WWC2: variants seen among roughly 807,000 people sequenced by gnomAD.
WWC2 encodes the protein protein WWC2.
WWC2 carries 101 observed loss-of-function variants against 138.5 expected under a neutral mutation model. The ratio of observed to expected loss-of-function variants is 0.73; its 90% CI spans 0.62 to 0.86. WWC2 has a LOEUF of 0.86. Among genes scored for constraint, WWC2 ranks in the 40% least tolerant of loss-of-function variants. The pLI is 0.00. For missense variants in WWC2, 1,420 were observed against 1,419.4 expected (o/e 1.00, Z -0.01); for synonymous variants, 558 against 538.4 (o/e 1.04, Z -0.50).
At chr4:183,170,611 A>G (rs553584638) in intron 1 of WWC2, among the ~76,000 whole-genome samples, 200 of 152,312 alleles carry the variant, frequency 1.3e-3, no homozygotes, top group Non-Finnish European at 2.6e-3. Flanking sequence ...ATGATTTTGC[A>G]TTTCTGTTGA....
intron 21 of WWC2, among the ~76,000 whole-genome samples, chr4:183,291,521 T>C (rs984957212): frequency 6.6e-6 from 1 of 152,238 alleles, no homozygotes; most frequent in Non-Finnish European, 1.5e-5. Flanking sequence ...CCTACTTTAC[T>C]GTCATGGAGA....
At chr4:183,113,534 A>C (rs923469361) in intron 1 of WWC2, among the ~76,000 whole-genome samples, 1 of 146,912 alleles carries the variant, frequency 6.8e-6, no homozygotes, top group East Asian at 2.0e-4. Context: ...GTGCGCGCGC[A>C]CATGCACGTG....
At chr4:183,289,703 G>C in intron 21 of WWC2, 68 bp downstream of exon 21, 1 of 1,562,120 alleles carries the variant, frequency 6.4e-7, no homozygotes, top group Non-Finnish European at 8.6e-7. Flanking sequence ...CATGTAGAAG[G>C]TACCCAACTT....
At chr4:183,253,594 C>T (rs1223488630) in intron 8 of WWC2, among the ~76,000 whole-genome samples, 163 bp from the exon 9 acceptor site, 8 of 152,144 alleles carry the variant, frequency 5.3e-5, no homozygotes, top group Admixed American at 3.9e-4. Flanking sequence ...TGCAAGGCTG[C>T]TGCTCCCACT....
chr4:183,154,363 A>G (rs1471660952), intron 1 of WWC2, among the ~76,000 whole-genome samples: 1 of 152,202 alleles, frequency 6.6e-6, no homozygotes, highest in Non-Finnish European at 1.5e-5. Context: ...TACCTGCTCA[A>G]CATGTGTTAG....
At chr4:183,201,763 T>C (rs539557303) in intron 2 of WWC2, among the ~76,000 whole-genome samples, 2 of 152,348 alleles carry the variant, frequency 1.3e-5, no homozygotes, top group South Asian at 4.1e-4. Context: ...AGACAGTATA[T>C]GCCCCTGGGC....
Position 183,282,780 on chromosome 4 carries a change from C to T in WWC2, c.2757C>T (p.Asp919=), listed in dbSNP as rs1049980678. 6 of 1,582,274 alleles carry T rather than the reference C, an allele frequency of 3.8e-6. No homozygotes were observed. In the African/African-American group the frequency reaches 5.4e-5, roughly 14 times the overall value. ...EKEAEVKLPE[D]SSCTEDLSSC... ...AGGCTGAAGTTAAATTGCCAGAGGACAGTAGCTGTACAGAAGATTTAAGTT... is the reference window on the plus strand; with the variant it reads ...AGGCTGAAGTTAAATTGCCAGAGGATAGTAGCTGTACAGAAGATTTAAGTT... Residue 919 remains aspartate (D), a synonymous_variant, in exon 18 of 23, where the codon GAC becomes GAT. Coordinates refer to ENST00000403733, the MANE Select transcript of WWC2 (RefSeq NM_024949.6).
At chr4:183,187,471 T>C (rs796784460) in intron 1 of WWC2, among the ~76,000 whole-genome samples, 1 of 151,484 alleles carries the variant, frequency 6.6e-6, no homozygotes, top group South Asian at 2.1e-4. Context: ...GAGAATCGCT[T>C]GAACCTGGGA....
chr4:183,289,789 CTT>C (rs376418534), intron 21 of WWC2, among the ~76,000 whole-genome samples, 154 bp downstream of exon 21: 4 of 140,436 alleles, frequency 2.8e-5, no homozygotes, highest in African/African-American at 2.6e-5. Context: ...GTTATAGGCC[CTT>C]TTTTTTTTTT....
At chr4:183,134,914 T>C (rs891986923) in intron 1 of WWC2, among the ~76,000 whole-genome samples, 1 of 152,118 alleles carries the variant, frequency 6.6e-6, no homozygotes, top group African/African-American at 2.4e-5. Context: ...TAAAAAAATC[T>C]AGTCCGATAT....
chr4:183,282,994 A>C, intron 18 of WWC2, 88 bp downstream of exon 18: 1 of 1,340,194 alleles, frequency 7.5e-7, no homozygotes, highest in Non-Finnish European at 9.9e-7. Flanking sequence ...CTTAGGTGTA[A>C]ATTCCATGTC....
At chr4:183,254,871 CA>C (rs568421997) in intron 9 of WWC2, among the ~76,000 whole-genome samples, 33 of 147,844 alleles carry the variant, frequency 2.2e-4, no homozygotes, top group African/African-American at 2.9e-4. Flanking sequence ...CCAGTTGCTT[CA>C]AAAAAAAAAA....
At chr4:183,180,888 A>T (rs1478749795) in intron 1 of WWC2, among the ~76,000 whole-genome samples, 3 of 152,154 alleles carry the variant, frequency 2.0e-5, no homozygotes, top group Non-Finnish European at 4.4e-5. Context: ...ACAAACACTG[A>T]AAAAAATTAA....
intron 14 of WWC2, 93 bp from the exon 15 acceptor site, chr4:183,268,878 A>G (rs1487332159): frequency 7.6e-7 from 1 of 1,320,062 alleles, no homozygotes; most frequent in African/African-American, 1.5e-5. Flanking sequence ...ACGATCCCTC[A>G]TTTTCTCTCT....
At position 183,318,917 on chromosome 4, in the gene WWC2, G is replaced by A. The variant is rs1242043824; in HGVS notation, c.*3188G>A. The A allele has an allele frequency of 6.6e-6, 1 of 152,386 alleles. No individual in the cohort carries two copies. Among genetic ancestry groups the A allele is most frequent in the African/African-American group, 2.4e-5 (1 of 41,450 alleles). 9.4% of individuals were successfully genotyped at this position (152,386 alleles called of 1,614,324 possible). A position where few individuals can be genotyped will look rare whatever the true frequency, so the allele number is the denominator to read the frequency against. ...CGCTGCCCGTGAAATACAGAACACA[G>A]GATGCAGAAGCACGTTTGTGTGGCA... On this transcript the variant is annotated 3_prime_UTR_variant, in exon 23 of 23. Coordinates refer to ENST00000403733, the MANE Select transcript of WWC2 (RefSeq NM_024949.6).
chr4:183,284,520 G>GT (rs1323912828), intron 19 of WWC2, 130 bp downstream of exon 19: 2 of 1,081,170 alleles, frequency 1.8e-6, no homozygotes, highest in East Asian at 4.9e-5. Flanking sequence ...TAGAAATGCT[G>GT]TAAAACAGAT....
chr4:183,211,643 G>C (rs905646341), intron 4 of WWC2, among the ~76,000 whole-genome samples: 3 of 152,150 alleles, frequency 2.0e-5, no homozygotes, highest in African/African-American at 4.8e-5. Flanking sequence ...TTCGATAGAT[G>C]CTGAACTTCA....
intron 1 of WWC2, among the ~76,000 whole-genome samples, chr4:183,176,312 A>G (rs1350194153): frequency 6.6e-6 from 1 of 152,160 alleles, no homozygotes; most frequent in Non-Finnish European, 1.5e-5. Flanking sequence ...AACGTTTCTT[A>G]GTTTTCTCTT....
intron 15 of WWC2, chr4:183,269,995 T>C (rs1314673445): frequency 1.3e-5 from 2 of 152,366 alleles, no homozygotes; most frequent in Non-Finnish European, 2.9e-5. Flanking sequence ...TTCTCTGCAG[T>C]CCAGTGGGAA....
Sources: allele counts gnomAD v4.1 joint callset (sites outside exome capture counted in the v4.1 genomes callset), GRCh38; gene constraint gnomAD v4.1.1; transcripts MANE v1.5; gene names NCBI Gene and HGNC (gene_info 2026-07-23, HGNC 2026-07-21).